Variants in KHDRBS2 observed in about 807,000 individuals in gnomAD.
KHDRBS2 encodes the protein KH domain-containing, RNA-binding, signal transduction-associated protein 2.
In KHDRBS2, 26 loss-of-function variants were observed where a neutral mutation model predicts 44.3. The observed-to-expected ratio is 0.59, with a 90% CI of 0.43 to 0.81. The LOEUF (loss-of-function observed/expected upper bound fraction) is 0.81, where lower values mean the gene tolerates loss of function less well. Ranked by LOEUF, KHDRBS2 falls within the 40% of genes least tolerant of loss-of-function variation. The pLI, the probability that KHDRBS2 is intolerant of heterozygous loss-of-function variation, is 0.00. For synonymous variants in KHDRBS2, 194 were observed against 151.1 expected (o/e 1.28, Z -2.08); for missense variants, 476 against 433.1 (o/e 1.10, Z -0.88).
chr6:61,938,102 A>G (rs1459958185), intron 4 of KHDRBS2, among the ~76,000 whole-genome samples: 2 of 152,098 alleles, frequency 1.3e-5, no homozygotes, highest in Non-Finnish European at 2.9e-5. Context: ...GGTTTACAGC[A>G]CTGGAGTCTA....
Position 61,869,964 on chromosome 6 carries a change from G to GTTTTTTTTTTTTT in KHDRBS2, c.810+24658_810+24670dup, listed in dbSNP as rs59518436. Among the ~76,000 whole-genome samples, 98 of 108,972 alleles carry GTTTTTTTTTTTTT rather than the reference G, an allele frequency of 9.0e-4. 3 individuals are homozygous for GTTTTTTTTTTTTT. Among genetic ancestry groups the GTTTTTTTTTTTTT allele is most frequent in the African/African-American group, 3.6e-3 (96 of 26,386 alleles). The allele number at this position is 108,972 out of a possible 152,430, so 71.5% of individuals were successfully genotyped here. ...TAGACACCGAACTAGCTGCAGGAGT[G>GTTTTTTTTTTTTT]TTTTTTTTTTTTTTTTTTTTTTTCC... On this transcript the variant is annotated intron_variant, in intron 6 of 8. Coordinates refer to ENST00000281156, the MANE Select transcript of KHDRBS2 (RefSeq NM_152688.4).
At chr6:61,570,123 G>T in the KHDRBS2 span, among the ~76,000 whole-genome samples, 1 of 151,864 alleles carries the variant, frequency 6.6e-6, no homozygotes, top group Non-Finnish European at 1.5e-5. Context: ...GATTAATAAG[G>T]TACTCAAGGA....
intron 6 of KHDRBS2, among the ~76,000 whole-genome samples, chr6:61,815,487 G>A (rs756975915): frequency 6.6e-6 from 1 of 152,104 alleles, no homozygotes; most frequent in Non-Finnish European, 1.5e-5. Context: ...TATGGTTTTA[G>A]CAAAAGTAAC....
chr6:62,169,102 T>C (rs1285307361), intron 2 of KHDRBS2, among the ~76,000 whole-genome samples: 4 of 142,116 alleles, frequency 2.8e-5, no homozygotes, highest in East Asian at 2.0e-4. Context: ...TATATTTATA[T>C]ATACACATAT....
chr6:62,143,267 C>T (rs1216535469), intron 2 of KHDRBS2, among the ~76,000 whole-genome samples: 1 of 151,872 alleles, frequency 6.6e-6, no homozygotes, highest in Non-Finnish European at 1.5e-5. Context: ...CTCATCTATA[C>T]ACCTCCCACA....
intron 6 of KHDRBS2, among the ~76,000 whole-genome samples, chr6:61,819,812 T>C (rs1160314031): frequency 6.6e-6 from 1 of 152,024 alleles, no homozygotes; most frequent in Non-Finnish European, 1.5e-5. Flanking sequence ...TCTGAACAGC[T>C]GACTTCTAAC....
In KHDRBS2 at chr6:61,791,111, T is replaced by A. The variant is rs868604248; in HGVS notation, c.811-58347A>T. ...CATAGTTTGATCTCCTTAGCAAATT[T>A]TATTAATCTGTGAGTTTTCCCTTTT... On this transcript the variant is annotated intron_variant, in intron 6 of 8. Transcript: ENST00000281156. Among the ~76,000 whole-genome samples, 39 of 151,606 alleles carry A rather than the reference T, an allele frequency of 2.6e-4. 1 individual carries two copies. The highest frequency in any genetic ancestry group is 7.9e-4 in the Admixed American group (12 of 15,174).
At chr6:61,788,036 A>T (rs189203338) in intron 6 of KHDRBS2, among the ~76,000 whole-genome samples, 7 of 151,776 alleles carry the variant, frequency 4.6e-5, no homozygotes, top group African/African-American at 9.6e-5. Flanking sequence ...TTGAATTCAT[A>T]CATTTGTTGG....
chr6:61,980,253 C>T (rs1773558771), intron 3 of KHDRBS2, among the ~76,000 whole-genome samples: 1 of 152,070 alleles, frequency 6.6e-6, no homozygotes, highest in Admixed American at 6.6e-5. Flanking sequence ...AGAATAGTAG[C>T]TACCTGCTTT....
chr6:61,886,328 A>G (rs1473446314), intron 6 of KHDRBS2, among the ~76,000 whole-genome samples: 1 of 152,108 alleles, frequency 6.6e-6, no homozygotes, highest in Non-Finnish European at 1.5e-5. Context: ...ACTTGCTTTG[A>G]AAGTTTCCTT....
chr6:62,028,199 G>T (rs554761131), intron 3 of KHDRBS2, among the ~76,000 whole-genome samples: 1 of 152,090 alleles, frequency 6.6e-6, no homozygotes, highest in Non-Finnish European at 1.5e-5. Context: ...AGTCAGAAAT[G>T]AAGTCTTGAG....
At chr6:61,976,379 T>C (rs577312508) in intron 4 of KHDRBS2, among the ~76,000 whole-genome samples, 207 of 152,226 alleles carry the variant, frequency 1.4e-3, no homozygotes, top group African/African-American at 4.8e-3. Flanking sequence ...AGAATCATTC[T>C]GTCTAGGAAG....
At chr6:61,982,532 G>A (rs763506767) in intron 3 of KHDRBS2, among the ~76,000 whole-genome samples, 4 of 152,098 alleles carry the variant, frequency 2.6e-5, no homozygotes, top group Non-Finnish European at 5.9e-5. Context: ...TTAGCCGGGC[G>A]TGGTGGCGCA....
intron 4 of KHDRBS2, among the ~76,000 whole-genome samples, chr6:61,919,567 T>A (rs79198193): frequency 0.01 from 1,534 of 152,060 alleles, 12 homozygotes; most frequent in Middle Eastern, 0.017. Context: ...TATTGACTAC[T>A]TTTTTGTATA....
chr6:62,159,274 T>C (rs1817106628), intron 2 of KHDRBS2, among the ~76,000 whole-genome samples: 1 of 152,178 alleles, frequency 6.6e-6, no homozygotes, highest in South Asian at 2.1e-4. Flanking sequence ...AGTAACCGAT[T>C]AGCTAGGCAT....
At chr6:62,055,110 G>C (rs1490689254) in intron 2 of KHDRBS2, among the ~76,000 whole-genome samples, 1 of 151,842 alleles carries the variant, frequency 6.6e-6, no homozygotes, top group Non-Finnish European at 1.5e-5. Context: ...AATAAAATTT[G>C]ATTAAAATTA....
At chr6:62,093,870 G>GTGTA (rs1341886001) in intron 2 of KHDRBS2, among the ~76,000 whole-genome samples, 1 of 147,280 alleles carries the variant, frequency 6.8e-6, no homozygotes, top group Non-Finnish European at 1.5e-5. Context: ...GTGTGTGTGT[G>GTGTA]TGTGTGTGTG....
the KHDRBS2 span, among the ~76,000 whole-genome samples, chr6:61,552,445 G>C: frequency 1.3e-5 from 2 of 152,044 alleles, no homozygotes; most frequent in Admixed American, 6.6e-5. Flanking sequence ...GTATAGAATC[G>C]TATTGTCTGA....
At chr6:62,211,454 T>C (rs1419431216) in intron 1 of KHDRBS2, among the ~76,000 whole-genome samples, 1 of 152,152 alleles carries the variant, frequency 6.6e-6, no homozygotes, top group East Asian at 1.9e-4. Context: ...AGATGAAATG[T>C]TTTCCTTTAC....
Sources: gnomAD v4.1 joint callset for allele counts (sites outside exome capture counted in the v4.1 genomes callset) on GRCh38, gnomAD v4.1.1 for gene constraint, MANE v1.5 for transcripts, NCBI Gene and HGNC (gene_info 2026-07-23, HGNC 2026-07-21) for gene names.